The following KIF15 variants were observed in gnomAD, a reference collection of about 807,000 sequenced individuals.
The protein encoded by KIF15 is kinesin-like protein KIF15.
KIF15 carries 140 observed loss-of-function variants against 190.6 expected under a neutral mutation model. The observed-to-expected ratio is 0.73, with a 90% CI of 0.64 to 0.84. The LOEUF (loss-of-function observed/expected upper bound fraction) is 0.84, where lower values mean the gene tolerates loss of function less well. KIF15 is among the 40% of genes least tolerant of loss of function. The pLI is 0.00. For synonymous variants in KIF15, 528 were observed against 551.3 expected (o/e 0.96, Z 0.59); for missense variants, 1,372 against 1,584.4 (o/e 0.87, Z 2.28).
intron 1 of KIF15, among the ~76,000 whole-genome samples, chr3:44,766,162 G>A (rs1010596004): frequency 3.3e-5 from 5 of 152,132 alleles, no homozygotes; most frequent in Non-Finnish European, 7.4e-5. Context: ...TCTATGCTTT[G>A]TTGCAAATGA....
Position 44,797,611 on chromosome 3 carries a change from G to A in KIF15, c.910G>A (p.Asp304Asn), listed in dbSNP as rs770279399. 3.7e-6 allele frequency: 6 copies of A among 1,613,918 alleles called. No individual in the cohort carries two copies. The highest frequency in any genetic ancestry group is 1.7e-5 in the Admixed American group (1 of 59,986). ...CLGQVITALVDVGNGKQRHVC... is the reference protein window; with the variant it reads ...CLGQVITALVNVGNGKQRHVC... ...GGGCCAAGTGATTACAGCACTTGTC[G>A]ACGTGGGTAATGGAAAACAGAGACA... is the stretch of plus-strand genomic sequence containing the variant. The change falls in exon 9 of 35, where the codon GAC becomes AAC. Residue 304 changes from aspartate (D) to asparagine (N), a missense_variant. Asp to Asn is a conservative substitution (Grantham distance 23, BLOSUM62 1). Coordinates refer to ENST00000326047, the MANE Select transcript of KIF15 (RefSeq NM_020242.3).
chr3:44,797,739 T>C, intron 9 of KIF15, 63 bp downstream of exon 9: 1 of 1,604,230 alleles, frequency 6.2e-7, no homozygotes, highest in Non-Finnish European at 8.5e-7. Flanking sequence ...AGTGGGACAG[T>C]CTCTCAGCCT....
chr3:44,801,681 A>G, intron 12 of KIF15, 84 bp from the exon 13 acceptor site: 1 of 979,598 alleles, frequency 1.0e-6, no homozygotes, highest in Non-Finnish European at 1.5e-6. Context: ...TTAAATATGA[A>G]ATTAGTATTT....
chr3:44,788,314 T>C (rs2125919271), intron 7 of KIF15, among the ~76,000 whole-genome samples: 1 of 152,382 alleles, frequency 6.6e-6, no homozygotes, highest in South Asian at 2.1e-4. Flanking sequence ...GAGATAATCT[T>C]GTGCTTTTTC....
Position 44,852,827 on chromosome 3 carries a change from G to A in KIF15, c.*92G>A, listed in dbSNP as rs938243020. Reference sequence around the variant, plus strand: ...CTACTCCTGGCCACTTAGGAGAGCTGAATTTATGGACCTTAATTATTAAAT... The same window carrying A: ...CTACTCCTGGCCACTTAGGAGAGCTAAATTTATGGACCTTAATTATTAAAT... On this transcript the variant is annotated 3_prime_UTR_variant, in exon 35 of 35. Coordinates refer to ENST00000326047, the MANE Select transcript of KIF15 (RefSeq NM_020242.3). The A allele has an allele frequency of 4.2e-5, 39 of 937,702 alleles. No individual in the cohort carries two copies. The Middle Eastern group carries it at 6.5e-4, about 16-fold the overall frequency. 58.1% of individuals were successfully genotyped at this position (937,702 alleles called of 1,614,324 possible).
Position 44,797,642 on chromosome 3 carries a change from G to C in KIF15, c.941G>C (p.Cys314Ser), listed in dbSNP as rs751110301. 1 of 1,614,032 alleles carries C rather than the reference G, an allele frequency of 6.2e-7. No homozygotes were observed. Residue 314 changes from cysteine to serine, a missense_variant, in exon 9 of 35, where the codon TGC becomes TCC. Cys to Ser is a moderately radical substitution (Grantham distance 112). Transcript: ENST00000326047. ...GGTAATGGAAAACAGAGACATGTTT[G>C]CTACAGAGACTCCAAACTTACCTTC... ...DVGNGKQRHV[C>S]YRDSKLTFLL... is the part of the protein sequence containing the mutation.
chr3:44,794,305 C>T lies in KIF15; in HGVS notation c.728C>T (p.Thr243Ile), dbSNP rs775754382. The change falls in exon 8 of 35, where the codon ACA (threonine) becomes ATA (isoleucine). Residue 243 changes from threonine (T) to isoleucine (I), a missense_variant. Transcript: ENST00000326047. ...AGGTCTCATGCCGTCTTTACAATTA[C>T]AATAGAGTCAATGGAGAAAAGTAAT... ...SSRSHAVFTI[T>I]IESMEKSNEI... 1.2e-6 allele frequency: 2 copies of T among 1,613,966 alleles called. No individual in the cohort carries two copies. The highest frequency in any genetic ancestry group is 2.7e-5 in the African/African-American group (2 of 75,040).
chr3:44,792,751 T>C (rs1460934659), intron 7 of KIF15, among the ~76,000 whole-genome samples: 1 of 152,068 alleles, frequency 6.6e-6, no homozygotes, highest in Non-Finnish European at 1.5e-5. Flanking sequence ...TTTCACCGTG[T>C]TAGCCAGACT....
chr3:44,821,984 C>T (rs569383695), intron 20 of KIF15, among the ~76,000 whole-genome samples: 9 of 152,254 alleles, frequency 5.9e-5, no homozygotes, highest in South Asian at 4.1e-4. Flanking sequence ...ACCAGTCAGG[C>T]GTGGCGGTGC....
At chr3:44,838,935 A>T (rs867235106) in intron 27 of KIF15, among the ~76,000 whole-genome samples, 1 of 150,444 alleles carries the variant, frequency 6.6e-6, no homozygotes, top group Non-Finnish European at 1.5e-5. Flanking sequence ...AGTTCTAACC[A>T]CTCCAGTGAG....
At chr3:44,866,239 A>AT (rs796958212) in intron 6 of KIF15, among the ~76,000 whole-genome samples, 174 of 151,166 alleles carry the variant, frequency 1.2e-3, no homozygotes, top group African/African-American at 3.7e-3. Flanking sequence ...TGCCCAGCTA[A>AT]TTTTTTTTAT....
At chr3:44,802,710 G>C (rs1575613528) in intron 13 of KIF15, 104 bp from the exon 14 acceptor site, 11 of 1,130,908 alleles carry the variant, frequency 9.7e-6, no homozygotes, top group Admixed American at 2.7e-5. Context: ...GGTACCACCA[G>C]TAGTGCATGT....
intron 6 of KIF15, among the ~76,000 whole-genome samples, chr3:44,859,168 G>A (rs909155106): frequency 3.3e-5 from 5 of 152,216 alleles, no homozygotes; most frequent in Admixed American, 3.3e-4. Context: ...AGGCGGTCCT[G>A]GAGGAAAGCC....
At chr3:44,864,273 G>C (rs781527144) in intron 6 of KIF15, 3 of 1,614,012 alleles carry the variant, frequency 1.9e-6, no homozygotes, top group South Asian at 2.2e-5. Flanking sequence ...TTCTTTAGCC[G>C]GGGCCTCAGT....
chr3:44,837,322 T>A (rs1217075200), intron 26 of KIF15, among the ~76,000 whole-genome samples: 4 of 152,004 alleles, frequency 2.6e-5, no homozygotes, highest in Non-Finnish European at 5.9e-5. Context: ...ATTTTTTACA[T>A]ATCCTTTGAG....
chr3:44,827,346 C>G, intron 22 of KIF15, 113 bp from the exon 23 acceptor site: 1 of 724,204 alleles, frequency 1.4e-6, no homozygotes, highest in Non-Finnish European at 2.4e-6. Flanking sequence ...ATGCCTGACA[C>G]CAAGGGTGTG....
chr3:44,771,519 G>A (rs907900918), intron 1 of KIF15, among the ~76,000 whole-genome samples: 3 of 152,184 alleles, frequency 2.0e-5, no homozygotes, highest in Non-Finnish European at 4.4e-5. Flanking sequence ...GCATCCAAAA[G>A]CCAGGTGTCA....
At chr3:44,863,420 C>T (rs2125739663) in intron 6 of KIF15, 1 of 150,202 alleles carries the variant, frequency 6.7e-6, no homozygotes, top group South Asian at 2.1e-4. Context: ...AGACTTTCTC[C>T]TTTAAAAAAA....
At chr3:44,843,811 T>G (rs923699254) in intron 30 of KIF15, among the ~76,000 whole-genome samples, 1 of 152,254 alleles carries the variant, frequency 6.6e-6, no homozygotes, top group Non-Finnish European at 1.5e-5. Flanking sequence ...CATACGATTT[T>G]CAACATATTT....
Sources: allele counts gnomAD v4.1 joint callset (sites outside exome capture counted in the v4.1 genomes callset), GRCh38; gene constraint gnomAD v4.1.1; transcripts MANE v1.5; gene names NCBI Gene and HGNC (gene_info 2026-07-23, HGNC 2026-07-21).